The following CRISP2 variants were observed in gnomAD, a reference collection of about 807,000 sequenced individuals.
CRISP2 encodes the protein cysteine rich secretory protein 2.
In CRISP2, 29 loss-of-function variants were observed where a neutral mutation model predicts 31.7. That is an observed-to-expected ratio of 0.92 (90% CI 0.68 to 1.25). The LOEUF is 1.25. Among genes scored for constraint, CRISP2 ranks in the 50% most tolerant of loss-of-function variants. CRISP2 has a pLI of 0.00. For synonymous variants in CRISP2, 111 were observed against 101.4 expected (o/e 1.09, Z -0.57); for missense variants, 318 against 286.5 (o/e 1.11, Z -0.79).
At chr6:49,712,631 A>G (rs1768227732) in intron 1 of CRISP2, 27 bp from the exon 2 acceptor site, 1 of 152,206 alleles carries the variant, frequency 6.6e-6, no homozygotes, top group Non-Finnish European at 1.5e-5. Context: ...AAATATTTAA[A>G]ATAAAGATGT....
chr6:49,707,288 A>G lies in CRISP2; in HGVS notation c.66+1843T>C, dbSNP rs543823385. On this transcript the variant is annotated intron_variant, in intron 4 of 9. Transcript: ENST00000339139. ...ATAACAAAACTGATCTTAATGATCT[A>G]CAAGATAGGGAGGAAGGAGGGATCA... is the stretch of plus-strand genomic sequence containing the variant. Among the ~76,000 whole-genome samples, 11 of 152,348 alleles carry G rather than the reference A, an allele frequency of 7.2e-5. 1 individual carries two copies. The South Asian group carries it at 2.1e-3, about 29-fold the overall frequency.
At position 49,702,154 on chromosome 6, in the gene CRISP2, T is replaced by TGTGTACATATATATATATATGTGTAC. The variant is rs1263956320; in HGVS notation, c.67-1371_67-1370insGTACACATATATATATATATGTACAC. On this transcript the variant is annotated intron_variant, in intron 4 of 9. Transcript: ENST00000339139. ...TATATGTGTACTATATATATATATA[T>TGTGTACATATATATATATATGTGTAC]ATATATATATATATATATATATATA... Among the ~76,000 whole-genome samples, 35 of 57,656 alleles carry TGTGTACATATATATATATATGTGTAC rather than the reference T, an allele frequency of 6.1e-4. 1 individual carries two copies. The highest frequency in any genetic ancestry group is 2.2e-3 in the African/African-American group (32 of 14,318). 37.8% of individuals were successfully genotyped at this position (57,656 alleles called of 152,430 possible).
At position 49,704,159 on chromosome 6, in the gene CRISP2, G is replaced by T. The variant is rs1311419553; in HGVS notation, c.67-3375C>A. On this transcript the variant is annotated intron_variant, in intron 4 of 9. Coordinates refer to ENST00000339139, the MANE Select transcript of CRISP2 (RefSeq NM_003296.4). ...TACATTTTATTGTTGAAACTTTCCA[G>T]TATTTTTTGCATTTCTCTAAGTGTG... Among the ~76,000 whole-genome samples the T allele has an allele frequency of 2.0e-5, 3 of 151,954 alleles. No homozygotes were observed. The East Asian group carries it at 5.8e-4, about 29-fold the overall frequency.
intron 4 of CRISP2, among the ~76,000 whole-genome samples, chr6:49,706,226 A>G (rs79437965): frequency 0.011 from 1,698 of 152,308 alleles, 23 homozygotes; most frequent in African/African-American, 0.038. Context: ...CTTAAATTTT[A>G]TGGGGCAGTT....
the CRISP2 span, among the ~76,000 whole-genome samples, chr6:49,683,536 C>A: frequency 2.0e-5 from 3 of 148,232 alleles, no homozygotes; most frequent in South Asian, 2.2e-4. Context: ...CGGTGGCAGG[C>A]GCCTGTAATC....
chr6:49,709,178 A>G lies in CRISP2; in HGVS notation c.19T>C (p.Leu7=). 2 of 1,613,746 alleles carry G rather than the reference A, an allele frequency of 1.2e-6. No homozygotes were observed. The highest frequency in any genetic ancestry group is 1.7e-6 in the Non-Finnish European group (2 of 1,179,898). The change falls in exon 4 of 10, where the codon TTG becomes CTG. Residue 7 remains leucine (L), a synonymous_variant. Transcript: ENST00000339139. Reference sequence around the variant, plus strand: ...GGAAGCAGCACAGTAACCAGAAACAACACCGGTAGTAAAGCCATTGCTGGA... The same window carrying G: ...GGAAGCAGCACAGTAACCAGAAACAGCACCGGTAGTAAAGCCATTGCTGGA... The part of the protein sequence containing the change: MALLPV[L]FLVTVLLPSL...
At chr6:49,701,527 C>CAT (rs1379089534) in intron 4 of CRISP2, among the ~76,000 whole-genome samples, 2 of 68,038 alleles carry the variant, frequency 2.9e-5, no homozygotes, top group South Asian at 8.4e-4. Context: ...TATATATATA[C>CAT]ACACACACAC....
At chr6:49,695,981 C>G in intron 8 of CRISP2, 57 bp from the exon 9 acceptor site, 2 of 1,078,136 alleles carry the variant, frequency 1.9e-6, no homozygotes, top group Non-Finnish European at 2.8e-6. Flanking sequence ...ACTCTAAGGG[C>G]AGTATCAGTC....
chr6:49,701,933 TATAATATATGTA>T (rs1766000786), intron 4 of CRISP2, among the ~76,000 whole-genome samples: 1 of 11,046 alleles, frequency 9.1e-5, no homozygotes, highest in African/African-American at 6.8e-4. Context: ...ATATATAATA[TATAATATATGTA>T]ATATAATATA....
At chr6:49,698,061 C>T (rs1582047575) in intron 7 of CRISP2, 104 bp from the exon 8 acceptor site, 1 of 859,430 alleles carries the variant, frequency 1.2e-6, no homozygotes, top group South Asian at 2.1e-5. Context: ...GTTTTATAGA[C>T]ATATACCATA....
chr6:49,709,294 T>G (rs1416185997), intron 3 of CRISP2, 89 bp from the exon 4 acceptor site: 1 of 1,099,300 alleles, frequency 9.1e-7, no homozygotes, highest in Non-Finnish European at 1.3e-6. Flanking sequence ...ATCTCGATTA[T>G]CTCAAAGGAA....
chr6:49,682,630 TC>T, the CRISP2 span, among the ~76,000 whole-genome samples: 3 of 72,236 alleles, frequency 4.2e-5, no homozygotes, highest in Admixed American at 3.0e-4. Context: ...TTTCTTTCTT[TC>T]TTTCTTTCTT....
Position 49,697,845 on chromosome 6 carries a change from A to C in CRISP2, c.515+15T>G. 6.2e-7 allele frequency: 1 copy of C among 1,609,242 alleles called. No homozygotes were observed. Among genetic ancestry groups the C allele is most frequent in the Non-Finnish European group, 8.5e-7 (1 of 1,175,992 alleles). On this transcript the variant is annotated intron_variant, in intron 8 of 9. Coordinates refer to ENST00000339139, the MANE Select transcript of CRISP2 (RefSeq NM_003296.4). Reference sequence around the variant, plus strand: ...GATAGAATTATTGCCATTAAACTCTAAACAGTCTACTTACGCAGGACAATA... The same window carrying C: ...GATAGAATTATTGCCATTAAACTCTCAACAGTCTACTTACGCAGGACAATA...
At chr6:49,681,187 G>C in the CRISP2 span, among the ~76,000 whole-genome samples, 6 of 152,022 alleles carry the variant, frequency 3.9e-5, no homozygotes, top group African/African-American at 1.2e-4. Flanking sequence ...CTAATGAAGG[G>C]GTCCAGTTTT....
chr6:49,692,295 TAGA>T (rs1353605769), downstream of CRISP2: 1 of 152,358 alleles, frequency 6.6e-6, no homozygotes, highest in Non-Finnish European at 1.5e-5. Context: ...TATGGTTGCT[TAGA>T]AAAGTTCTTT....
chr6:49,686,070 G>A, the CRISP2 span, among the ~76,000 whole-genome samples: 1 of 152,044 alleles, frequency 6.6e-6, no homozygotes, highest in Non-Finnish European at 1.5e-5. Context: ...GCAAAAATGT[G>A]AAGCCATATA....
the CRISP2 span, among the ~76,000 whole-genome samples, chr6:49,684,471 TCA>T: frequency 2.0e-5 from 3 of 152,316 alleles, no homozygotes; most frequent in Admixed American, 2.0e-4. Context: ...GACGTAGAAC[TCA>T]CAGATATGGA....
chr6:49,707,937 C>T (rs1349429043), intron 4 of CRISP2, among the ~76,000 whole-genome samples: 1 of 152,146 alleles, frequency 6.6e-6, no homozygotes, highest in Admixed American at 6.5e-5. Context: ...TCAAAATCCT[C>T]TTGGCCCTTC....
At position 49,692,462 on chromosome 6, in the gene CRISP2, C is replaced by T. The variant is rs572006305; in HGVS notation, c.*311G>A. 1.6e-5 allele frequency: 3 copies of T among 190,528 alleles called. No homozygotes were observed. The highest frequency in any genetic ancestry group is 2.5e-4 in the East Asian group (2 of 8,012). The allele number at this position is 190,528 out of a possible 1,614,324, so 11.8% of individuals were successfully genotyped here. The stretch of plus-strand genomic sequence containing the variant: ...CTTCTTTAGCATGTTTCAGGAAATA[C>T]GTAATGCACCATTTTGATCCAAAGT... On this transcript the variant is annotated 3_prime_UTR_variant, in exon 10 of 10. Coordinates refer to ENST00000339139, the MANE Select transcript of CRISP2 (RefSeq NM_003296.4).
Sources: gnomAD v4.1 joint callset for allele counts (sites outside exome capture counted in the v4.1 genomes callset) on GRCh38, gnomAD v4.1.1 for gene constraint, MANE v1.5 for transcripts, NCBI Gene and HGNC (gene_info 2026-07-23, HGNC 2026-07-21) for gene names.